The following HS6ST2 variants were observed in gnomAD, a reference collection of about 807,000 sequenced individuals.
HS6ST2 encodes heparan sulfate 6-O-sulfotransferase 2.
In HS6ST2, 17 loss-of-function variants were observed where a neutral mutation model predicts 33.0. The ratio of observed to expected loss-of-function variants is 0.52; its 90% confidence interval spans 0.35 to 0.77. HS6ST2 has a LOEUF of 0.77. HS6ST2 is among the 30% of genes least tolerant of loss of function. The probability of loss-of-function intolerance (pLI) is 0.01; values close to 1 mark genes in which losing one functional copy is unlikely to be tolerated. For synonymous variants in HS6ST2, 248 were observed against 237.1 expected (o/e 1.05, Z -0.42); for missense variants, 519 against 551.7 (o/e 0.94, Z 0.59).
chrX:132,942,168 A>G (rs1382547686), intron 2 of HS6ST2, among the ~76,000 whole-genome samples: 1 of 111,839 alleles, frequency 8.9e-6, no homozygotes, highest in Non-Finnish European at 1.9e-5. Flanking sequence ...AATCACAAAA[A>G]TAAGTATTTT....
chrX:132,887,008 ACCTGTAGT>A (rs1462177654), intron 2 of HS6ST2, among the ~76,000 whole-genome samples: 4 of 110,565 alleles, frequency 3.6e-5, no homozygotes, highest in Non-Finnish European at 1.9e-5. Flanking sequence ...AGTGGCACAC[ACCTGTAGT>A]CCCAGCTACT....
intron 4 of HS6ST2, among the ~76,000 whole-genome samples, chrX:132,667,349 G>A (rs1321159574): frequency 3.6e-5 from 4 of 111,807 alleles, no homozygotes; most frequent in Admixed American, 9.5e-5. Flanking sequence ...TCAAGTAAAA[G>A]TTACCTATCT....
At chrX:132,656,203 A>C (rs923588854) in intron 4 of HS6ST2, among the ~76,000 whole-genome samples, 1 of 111,497 alleles carries the variant, frequency 9.0e-6, no homozygotes, top group African/African-American at 3.3e-5. Context: ...TGTTCAGAGC[A>C]ATTTGGCCAT....
chrX:132,932,212 A>G (rs2066778860), intron 2 of HS6ST2, among the ~76,000 whole-genome samples: 1 of 109,963 alleles, frequency 9.1e-6, no homozygotes, highest in Non-Finnish European at 1.9e-5. Flanking sequence ...TACCCCAGCA[A>G]AAGTGTCCAA....
At position 132,957,402 on chromosome X, in the gene HS6ST2, C is replaced by A. The variant is rs767847649; in HGVS notation, c.429-76G>T. 3.2e-5 allele frequency: 33 copies of A among 1,029,396 alleles called. No homozygotes were observed. In the South Asian group the frequency reaches 7.3e-4, roughly 23 times the overall value. The allele number at this position is 1,029,396 out of a possible 1,213,427, so 84.8% of individuals were successfully genotyped here. A position where few individuals can be genotyped will look rare whatever the true frequency, so the allele number is the denominator to read the frequency against. On this transcript the variant is annotated intron_variant, in intron 1 of 4. Coordinates refer to ENST00000370833, the MANE Select transcript of HS6ST2 (RefSeq NM_001394073.1). ...CGTCGTGCCCCCGCACCGCCCCCTT[C>A]CCCTGGAGCCGCTGCTGCGCCCCTC...
In HS6ST2 at chrX:132,883,550, C is replaced by G. The variant is rs987420434; in HGVS notation, c.947+73258G>C. 2.0e-4 allele frequency among the ~76,000 whole-genome samples: 22 copies of G among 111,271 alleles called. No homozygotes were observed. In the Admixed American group the frequency reaches 2.0e-3, roughly 10 times the overall value. On this transcript the variant is annotated intron_variant, in intron 2 of 4. Transcript: ENST00000370833. ...TAACATATGTCAAGCATATATTGTA[C>G]AGAGCGCCCTTAACATAAGTAACTC...
intron 2 of HS6ST2, among the ~76,000 whole-genome samples, chrX:132,803,916 T>C (rs2065257864): frequency 1.8e-5 from 2 of 111,843 alleles, no homozygotes; most frequent in African/African-American, 6.5e-5. Context: ...TAAAAGGTTA[T>C]TGTTTTTATT....
intron 2 of HS6ST2, among the ~76,000 whole-genome samples, chrX:132,730,217 C>A (rs771563279): frequency 8.9e-6 from 1 of 112,125 alleles, no homozygotes; most frequent in African/African-American, 3.2e-5. Context: ...AATAACACAG[C>A]AGCTATCATT....
intron 2 of HS6ST2, among the ~76,000 whole-genome samples, chrX:132,932,601 A>G (rs928464785): frequency 9.0e-6 from 1 of 110,920 alleles, no homozygotes; most frequent in African/African-American, 3.3e-5. Context: ...AGACACGAAA[A>G]GACGTAGAAA....
intron 2 of HS6ST2, among the ~76,000 whole-genome samples, chrX:132,867,740 A>G (rs1269765187): frequency 8.9e-6 from 1 of 111,901 alleles, no homozygotes; most frequent in African/African-American, 3.2e-5. Context: ...AAATGCTGAG[A>G]GATTTTGTCA....
chrX:132,757,752 A>G (rs1363219723), intron 2 of HS6ST2, among the ~76,000 whole-genome samples: 2 of 112,186 alleles, frequency 1.8e-5, no homozygotes, highest in Non-Finnish European at 3.8e-5. Context: ...AACACAGGCC[A>G]GGGGCCAAAA....
chrX:132,770,566 C>T (rs1054951654), intron 2 of HS6ST2, among the ~76,000 whole-genome samples: 1 of 111,775 alleles, frequency 8.9e-6, no homozygotes, highest in Non-Finnish European at 1.9e-5. Flanking sequence ...GCCCCCAAAT[C>T]CCAGTACTAT....
intron 4 of HS6ST2, among the ~76,000 whole-genome samples, chrX:132,656,696 T>C (rs2063732220): frequency 8.9e-6 from 1 of 112,137 alleles, no homozygotes; most frequent in Non-Finnish European, 1.9e-5. Flanking sequence ...GTTTTTGGTT[T>C]TCCATTCTAG....
intron 2 of HS6ST2, among the ~76,000 whole-genome samples, chrX:132,824,810 G>A (rs1235167782): frequency 8.9e-6 from 1 of 112,206 alleles, no homozygotes; most frequent in African/African-American, 3.2e-5. Context: ...ATTATATTCA[G>A]CAGGGTCAAC....
Position 132,811,685 on chromosome X carries a change from A to AATATATATATGT in HS6ST2, c.948-103192_948-103191insACATATATATAT, listed in dbSNP as rs1491477781. On this transcript the variant is annotated intron_variant, in intron 2 of 4. Transcript: ENST00000370833. The stretch of plus-strand genomic sequence containing the variant: ...CAGAACTTTGTTTTAAAGGCTGAAT[A>AATATATATATGT]ATATATATATATATATATATATATA... 9.7e-4 allele frequency among the ~76,000 whole-genome samples: 29 copies of AATATATATATGT among 29,808 alleles called. 1 individual carries two copies. The highest frequency in any genetic ancestry group is 4.3e-3 in the African/African-American group (28 of 6,489). The allele number at this position is 29,808 out of a possible 115,157, so 25.9% of individuals were successfully genotyped here. A position where few individuals can be genotyped will look rare whatever the true frequency, so the allele number is the denominator to read the frequency against.
At chrX:132,772,997 A>T (rs1353793573) in intron 2 of HS6ST2, among the ~76,000 whole-genome samples, 1 of 88,785 alleles carries the variant, frequency 1.1e-5, no homozygotes, top group Non-Finnish European at 2.1e-5. Flanking sequence ...TTATATTTAT[A>T]TATTTATGTA....
At chrX:132,773,070 C>A (rs2064922838) in intron 2 of HS6ST2, among the ~76,000 whole-genome samples, 1 of 92,760 alleles carries the variant, frequency 1.1e-5, no homozygotes, top group African/African-American at 4.0e-5. Flanking sequence ...CATAAACTTT[C>A]ATATTTATAG....
chrX:132,851,652 G>C (rs1201511471), intron 2 of HS6ST2, among the ~76,000 whole-genome samples: 1 of 111,799 alleles, frequency 8.9e-6, no homozygotes, highest in Admixed American at 9.5e-5. Flanking sequence ...TCTATATCAT[G>C]CATTTCCAAC....
chrX:132,957,256 T>A lies in HS6ST2; in HGVS notation c.499A>T (p.Ile167Phe), dbSNP rs780605183. ...ALVMLFLFAV[I>F]VLQYVCPGTE... is the part of the protein sequence containing the mutation. ...CCGGGGCACACGTATTGGAGGACGA[T>A]CACGGCAAATAGGAAGAGCATCACC... is the stretch of plus-strand genomic sequence containing the variant. The change falls in exon 2 of 5, where the codon ATC becomes TTC. Residue 167 changes from isoleucine (I) to phenylalanine (F), a missense_variant. Physicochemically the swap from Ile to Phe is conservative, Grantham distance 21. Coordinates refer to ENST00000370833, the MANE Select transcript of HS6ST2 (RefSeq NM_001394073.1). The A allele has an allele frequency of 8.4e-7, 1 of 1,193,114 alleles. No homozygotes were observed. Among genetic ancestry groups the A allele is most frequent in the African/African-American group, 1.8e-5 (1 of 56,882 alleles).
Sources: gnomAD v4.1 joint callset for allele counts (sites outside exome capture counted in the v4.1 genomes callset) on GRCh38, gnomAD v4.1.1 for gene constraint, MANE v1.5 for transcripts, NCBI Gene and HGNC (gene_info 2026-07-23, HGNC 2026-07-21) for gene names.